The following DNAH6 variants were observed in gnomAD, a reference collection of about 807,000 sequenced individuals.
DNAH6 encodes dynein axonemal heavy chain 6.
In DNAH6, 340 loss-of-function variants were observed where a neutral mutation model predicts 491.4. The observed-to-expected ratio is 0.69, with a 90% confidence interval of 0.63 to 0.76. The LOEUF is 0.76. Ranked by LOEUF, DNAH6 falls within the 30% of genes least tolerant of loss-of-function variation. The pLI, the probability that DNAH6 is intolerant of heterozygous loss-of-function variation, is 0.00. For synonymous variants in DNAH6, 1,603 were observed against 1,686.1 expected (o/e 0.95, Z 1.21); for missense variants, 4,443 against 4,972.2 (o/e 0.89, Z 3.20).
chr2:84,793,482 T>A (rs61332580), intron 68 of DNAH6, among the ~76,000 whole-genome samples: 1 of 144,972 alleles, frequency 6.9e-6, no homozygotes, highest in Non-Finnish European at 1.5e-5. Flanking sequence ...GAATAATGTA[T>A]GTTAGGACAC....
chr2:84,463,252 G>C, the DNAH6 span, among the ~76,000 whole-genome samples: 4 of 152,170 alleles, frequency 2.6e-5, no homozygotes, highest in African/African-American at 9.7e-5. Context: ...AAAAGAAGAG[G>C]GGGAGACAGA....
intron 37 of DNAH6, among the ~76,000 whole-genome samples, chr2:84,668,381 C>G (rs1211099734): frequency 6.6e-6 from 1 of 152,112 alleles, no homozygotes; most frequent in Non-Finnish European, 1.5e-5. Flanking sequence ...GAATTTCTTA[C>G]TAAAAGTCAC....
chr2:84,809,227 G>T (rs1270126953), intron 72 of DNAH6, among the ~76,000 whole-genome samples: 1 of 152,210 alleles, frequency 6.6e-6, no homozygotes, highest in Non-Finnish European at 1.5e-5. Context: ...ATAACTATTA[G>T]AAAATATTGA....
rs947747134 is a variant in DNAH6, at chr2:84,701,401, A to G, written c.8061+62A>G. On this transcript the variant is annotated intron_variant, in intron 49 of 76. Coordinates refer to ENST00000389394, the MANE Select transcript of DNAH6 (RefSeq NM_001370.2). The stretch of plus-strand genomic sequence containing the variant: ...TTGAACTCAGAACTTTTGAGAATGC[A>G]TGGAAACTCTATGCACTGTCTTACC... 6 of 1,503,964 alleles carry G rather than the reference A, an allele frequency of 4.0e-6. No homozygotes were observed. The African/African-American group carries it at 4.2e-5, about 10-fold the overall frequency. The allele number at this position is 1,503,964 out of a possible 1,614,324, so 93.2% of individuals were successfully genotyped here. A position where few individuals can be genotyped will look rare whatever the true frequency, so the allele number is the denominator to read the frequency against.
At chr2:84,610,954 G>A (rs1414215409) in intron 21 of DNAH6, among the ~76,000 whole-genome samples, 3 of 152,168 alleles carry the variant, frequency 2.0e-5, no homozygotes, top group Non-Finnish European at 4.4e-5. Context: ...CTTGGAAAGT[G>A]TGAGACCTGA....
intron 24 of DNAH6, 24 bp downstream of exon 24, chr2:84,619,928 C>T (rs1250819660): frequency 6.5e-7 from 1 of 1,529,794 alleles, no homozygotes; most frequent in Admixed American, 2.0e-5. Context: ...ATTTATATTT[C>T]TTTATTGATG....
intron 56 of DNAH6, among the ~76,000 whole-genome samples, chr2:84,710,749 G>A (rs963399511): frequency 6.6e-6 from 1 of 152,016 alleles, no homozygotes; most frequent in Non-Finnish European, 1.5e-5. Flanking sequence ...ATACAATAAT[G>A]ATGCGAAGCC....
At chr2:84,505,422 T>A in the DNAH6 span, among the ~76,000 whole-genome samples, 2 of 152,322 alleles carry the variant, frequency 1.3e-5, no homozygotes, top group Non-Finnish European at 2.9e-5. Context: ...ACTTACTTTA[T>A]TTCTAATCTT....
At chr2:84,601,024 A>AATACT (rs1355722942) in intron 18 of DNAH6, among the ~76,000 whole-genome samples, 1 of 147,244 alleles carries the variant, frequency 6.8e-6, no homozygotes, top group African/African-American at 2.5e-5. Flanking sequence ...TTATAATAAT[A>AATACT]ATGTTATTAT....
chr2:84,750,121 G>A (rs1673322689), intron 63 of DNAH6, among the ~76,000 whole-genome samples: 1 of 151,322 alleles, frequency 6.6e-6, no homozygotes, highest in Non-Finnish European at 1.5e-5. Context: ...ATAATATTAA[G>A]GAATTATTGT....
chr2:84,705,459 C>T (rs1696339169), intron 51 of DNAH6, 27 bp from the exon 52 acceptor site: 2 of 1,508,848 alleles, frequency 1.3e-6, no homozygotes, highest in Admixed American at 2.3e-5. Flanking sequence ...ATTTCAGTGC[C>T]ATTAATATAT....
chr2:84,796,476 A>G (rs1678357743), intron 69 of DNAH6, 51 bp downstream of exon 69: 1 of 1,421,706 alleles, frequency 7.0e-7, no homozygotes, highest in Non-Finnish European at 9.4e-7. Flanking sequence ...GAAGATGTTG[A>G]CAGCATCTCT....
intron 64 of DNAH6, chr2:84,777,312 A>G (rs908927098): frequency 1.3e-5 from 4 of 301,772 alleles, no homozygotes; most frequent in African/African-American, 6.6e-5. Context: ...CTCTTCTTCA[A>G]ACAGATCTCT....
intron 65 of DNAH6, among the ~76,000 whole-genome samples, chr2:84,783,371 T>TG (rs1268574891): frequency 1.3e-5 from 2 of 152,240 alleles, no homozygotes; most frequent in Non-Finnish European, 2.9e-5. Flanking sequence ...AGAAGCTTGG[T>TG]GCTTTTGCAA....
the DNAH6 span, among the ~76,000 whole-genome samples, chr2:84,477,618 T>C: frequency 6.6e-6 from 1 of 152,206 alleles, no homozygotes; most frequent in Non-Finnish European, 1.5e-5. Flanking sequence ...CATGGACACA[T>C]TGACTCACAT....
chr2:84,770,474 T>A (rs975718781), intron 64 of DNAH6, among the ~76,000 whole-genome samples: 2 of 151,748 alleles, frequency 1.3e-5, no homozygotes, highest in African/African-American at 4.8e-5. Context: ...AAGGAAAACA[T>A]GAGAATGATG....
intron 37 of DNAH6, among the ~76,000 whole-genome samples, chr2:84,660,201 A>G (rs1691366937): frequency 6.6e-6 from 1 of 152,172 alleles, no homozygotes; most frequent in Non-Finnish European, 1.5e-5. Flanking sequence ...GAAAATACAA[A>G]ACAACTATTT....
the DNAH6 span, among the ~76,000 whole-genome samples, chr2:84,467,959 T>C: frequency 6.6e-6 from 1 of 152,088 alleles, no homozygotes; most frequent in Non-Finnish European, 1.5e-5. Flanking sequence ...GACTAAATGT[T>C]TTTCTTTTAT....
intron 32 of DNAH6, among the ~76,000 whole-genome samples, chr2:84,641,606 G>A (rs759657560): frequency 6.6e-6 from 1 of 152,178 alleles, no homozygotes; most frequent in Non-Finnish European, 1.5e-5. Context: ...ATAAGAGCAG[G>A]CAAAGAACAA....
Sources: gnomAD v4.1 joint callset for allele counts (sites outside exome capture counted in the v4.1 genomes callset) on GRCh38, gnomAD v4.1.1 for gene constraint, MANE v1.5 for transcripts, NCBI Gene and HGNC (gene_info 2026-07-23, HGNC 2026-07-21) for gene names.